Variants in MCU observed in about 807,000 individuals in gnomAD.
MCU encodes the protein mitochondrial calcium uniporter, also known as calcium uniporter protein, mitochondrial.
Under a neutral mutation model 45.2 loss-of-function variants are expected in MCU, and 12 were observed. That is an observed-to-expected ratio of 0.27 (90% CI 0.17 to 0.43). MCU has a LOEUF of 0.43. MCU is among the 20% of genes least tolerant of loss of function. MCU has a pLI of 1.00. For missense variants in MCU, 324 were observed against 436.7 expected (o/e 0.74, Z 2.30); for synonymous variants, 160 against 165.1 (o/e 0.97, Z 0.24).
At chr10:72,815,366 T>A (rs533008438) in intron 1 of MCU, among the ~76,000 whole-genome samples, 1 of 152,206 alleles carries the variant, frequency 6.6e-6, no homozygotes, top group East Asian at 1.9e-4. Context: ...AGGAGAAAAA[T>A]TTTTCTGAAA....
intron 6 of MCU, among the ~76,000 whole-genome samples, chr10:72,880,814 A>G (rs984662637): frequency 6.6e-6 from 1 of 152,228 alleles, no homozygotes; most frequent in Admixed American, 6.5e-5. Flanking sequence ...CAGACCCAGT[A>G]TAAATGAACT....
rs537163921 is a variant in MCU, at chr10:72,734,535, A to G, written c.150+42234A>G. ...ACTGCACTGTGCTTTAGGCATAGTA[A>G]TACTTACTAGTTTTGAAGTATTTGA... On this transcript the variant is annotated intron_variant, in intron 1 of 7. Transcript: ENST00000373053. 4.7e-4 allele frequency among the ~76,000 whole-genome samples: 71 copies of G among 152,178 alleles called. 2 individuals are homozygous for G. The highest frequency in any genetic ancestry group is 8.8e-5 in the Non-Finnish European group (6 of 68,040).
At chr10:72,696,075 T>A (rs1040083294) in intron 1 of MCU, among the ~76,000 whole-genome samples, 27 of 132,578 alleles carry the variant, frequency 2.0e-4, no homozygotes, top group Admixed American at 1.1e-3. Flanking sequence ...GGCAGGAGAA[T>A]CACTTGAAAC....
intron 2 of MCU, among the ~76,000 whole-genome samples, chr10:72,841,325 G>A (rs1482117484): frequency 6.6e-6 from 1 of 151,594 alleles, no homozygotes; most frequent in East Asian, 1.9e-4. Context: ...TTTTTGAGAT[G>A]GAGTTTTGCT....
At chr10:72,711,368 G>A (rs2132661014) in intron 1 of MCU, among the ~76,000 whole-genome samples, 1 of 151,450 alleles carries the variant, frequency 6.6e-6, no homozygotes, top group South Asian at 2.1e-4. Context: ...CCATAGGCGT[G>A]TGCCACCACA....
intron 1 of MCU, among the ~76,000 whole-genome samples, chr10:72,774,943 C>G (rs1843868020): frequency 6.6e-6 from 1 of 151,962 alleles, no homozygotes; most frequent in Admixed American, 6.6e-5. Context: ...GACTACAATA[C>G]AACTATAGTA....
At chr10:72,734,337 A>G (rs546718615) in intron 1 of MCU, among the ~76,000 whole-genome samples, 6 of 152,362 alleles carry the variant, frequency 3.9e-5, no homozygotes, top group Admixed American at 1.3e-4. Flanking sequence ...TGTGTAGTCC[A>G]AACTACTATG....
chr10:72,766,739 A>G (rs1589450503), intron 1 of MCU: 1 of 152,316 alleles, frequency 6.6e-6, no homozygotes, highest in South Asian at 2.1e-4. Context: ...TTGATCAATT[A>G]TGATTGAAAG....
At chr10:72,776,950 A>G (rs1177434084) in intron 1 of MCU, among the ~76,000 whole-genome samples, 1 of 152,208 alleles carries the variant, frequency 6.6e-6, no homozygotes, top group African/African-American at 2.4e-5. Context: ...AAATCAAGAA[A>G]GCAATCCCAC....
intron 1 of MCU, among the ~76,000 whole-genome samples, chr10:72,717,791 G>T (rs1159749977): frequency 6.6e-6 from 1 of 152,132 alleles, no homozygotes; most frequent in Non-Finnish European, 1.5e-5. Context: ...CTTTAAAAGT[G>T]CATCTGGATT....
At chr10:72,712,322 A>C (rs977190687) in intron 1 of MCU, 2 of 152,162 alleles carry the variant, frequency 1.3e-5, no homozygotes, top group African/African-American at 4.8e-5. Context: ...TCCTGAGAGA[A>C]GGCAGAGAAG....
intron 6 of MCU, among the ~76,000 whole-genome samples, chr10:72,881,511 C>T (rs1418516107): frequency 6.6e-6 from 1 of 152,020 alleles, no homozygotes; most frequent in Non-Finnish European, 1.5e-5. Context: ...TAGCAAGATC[C>T]CATCTCACAA....
At chr10:72,741,302 T>C (rs1452639728) in intron 1 of MCU, among the ~76,000 whole-genome samples, 1 of 152,118 alleles carries the variant, frequency 6.6e-6, no homozygotes, top group Non-Finnish European at 1.5e-5. Context: ...GGTTTCACCA[T>C]GTTGGCCAGG....
Position 72,885,754 on chromosome 10 carries a change from GA to G in MCU, c.989del (p.Asp330AlafsTer5). The G allele has an allele frequency of 6.2e-7, 1 of 1,612,702 alleles. No individual in the cohort carries two copies. Among genetic ancestry groups the G allele is most frequent in the Non-Finnish European group, 8.5e-7 (1 of 1,178,954 alleles). On this transcript the variant is annotated frameshift_variant, in exon 8 of 8. Coordinates refer to ENST00000373053, the MANE Select transcript of MCU (RefSeq NM_138357.3). LOFTEE classifies it high-confidence loss of function. ...TTTGTTTCTATTTTAGGCAGAAATG[GA>G]CCTTAAGAGACTGAGAGACCCATTA... ...LKDAIAQAEM[D>X]LKRLRDPLQV...
chr10:72,765,585 G>C (rs1312599792), intron 1 of MCU, among the ~76,000 whole-genome samples: 1 of 151,928 alleles, frequency 6.6e-6, no homozygotes, highest in African/African-American at 2.4e-5. Flanking sequence ...CTTGTGCCCA[G>C]GAGTTCAAGA....
chr10:72,871,629 G>A (rs1358343243), intron 6 of MCU, 49 bp downstream of exon 6: 1 of 1,515,316 alleles, frequency 6.6e-7, no homozygotes, highest in Non-Finnish European at 9.2e-7. Flanking sequence ...ATAAAGTTTT[G>A]ATTGTCAAAA....
At chr10:72,794,461 C>T (rs187967266) in intron 1 of MCU, among the ~76,000 whole-genome samples, 13 of 152,274 alleles carry the variant, frequency 8.5e-5, no homozygotes, top group South Asian at 4.1e-4. Flanking sequence ...GCTCTTCATT[C>T]GCTGAGTCAT....
At chr10:72,875,121 A>G (rs1345571759) in intron 6 of MCU, among the ~76,000 whole-genome samples, 1 of 152,198 alleles carries the variant, frequency 6.6e-6, no homozygotes, top group East Asian at 1.9e-4. Context: ...TATATCTAGT[A>G]CACTGTAGGA....
intron 1 of MCU, among the ~76,000 whole-genome samples, chr10:72,703,847 G>A (rs966089181): frequency 6.6e-6 from 1 of 151,878 alleles, no homozygotes; most frequent in Non-Finnish European, 1.5e-5. Flanking sequence ...AGTGAGCAGA[G>A]ATCACTGCAT....
Sources: gnomAD v4.1 joint callset for allele counts (sites outside exome capture counted in the v4.1 genomes callset) on GRCh38, gnomAD v4.1.1 for gene constraint, MANE v1.5 for transcripts, NCBI Gene and HGNC (gene_info 2026-07-23, HGNC 2026-07-21) for gene names.